VPS13A: variants seen among roughly 807,000 people sequenced by gnomAD.
The protein encoded by VPS13A is intermembrane lipid transfer protein VPS13A.
VPS13A carries 264 observed loss-of-function variants against 390.9 expected under a neutral mutation model. The observed-to-expected ratio is 0.68, with a 90% CI of 0.61 to 0.75. The LOEUF is 0.75. VPS13A is among the 30% of genes least tolerant of loss of function. The probability of loss-of-function intolerance (pLI) is 0.00; values close to 1 mark genes in which losing one functional copy is unlikely to be tolerated. For synonymous variants in VPS13A, 1,231 were observed against 1,227.1 expected (o/e 1.00, Z -0.07); for missense variants, 3,409 against 3,733.9 (o/e 0.91, Z 2.27).
Position 77,275,781 on chromosome 9 carries a change from G to A in VPS13A, c.2667+129G>A, listed in dbSNP as rs1041393270. 1.7e-5 allele frequency: 19 copies of A among 1,147,508 alleles called. No individual in the cohort carries two copies. The African/African-American group carries it at 2.2e-4, about 13-fold the overall frequency. 71.1% of individuals were successfully genotyped at this position (1,147,508 alleles called of 1,614,324 possible). On this transcript the variant is annotated intron_variant, in intron 25 of 71. Coordinates refer to ENST00000360280, the MANE Select transcript of VPS13A (RefSeq NM_033305.3). ...TAATTAAAGTAATTCCAGACTTGCT[G>A]TGTGATTCTTGGTCACTCCCCGCCC...
chr9:77,392,160 A>G (rs1227312075), intron 68 of VPS13A, among the ~76,000 whole-genome samples: 1 of 152,228 alleles, frequency 6.6e-6, no homozygotes, highest in East Asian at 1.9e-4. Context: ...CACCTAAAAT[A>G]TGACCCATCT....
At chr9:77,353,297 AGT>A in intron 53 of VPS13A, 110 bp from the exon 54 acceptor site, 1 of 757,490 alleles carries the variant, frequency 1.3e-6, no homozygotes. Context: ...AACCCCATGA[AGT>A]AGGTGCCATT....
chr9:77,254,192 C>T (rs1025541451), intron 22 of VPS13A, among the ~76,000 whole-genome samples: 5 of 152,132 alleles, frequency 3.3e-5, no homozygotes, highest in Admixed American at 3.3e-4. Flanking sequence ...ATCCGCCCGC[C>T]TCGGCCTCCC....
chr9:77,402,714 A>G (rs1234767053), intron 68 of VPS13A, among the ~76,000 whole-genome samples: 1 of 152,202 alleles, frequency 6.6e-6, no homozygotes, highest in African/African-American at 2.4e-5. Context: ...TTCAAAGGCT[A>G]AGTAAGCCTT....
intron 19 of VPS13A, among the ~76,000 whole-genome samples, chr9:77,240,359 T>G (rs571084434): frequency 6.6e-6 from 1 of 151,996 alleles, no homozygotes; most frequent in East Asian, 1.9e-4. Flanking sequence ...AGTGCTGGGA[T>G]TACAGGTGTG....
intron 68 of VPS13A, among the ~76,000 whole-genome samples, chr9:77,393,562 C>T (rs1049309611): frequency 1.2e-4 from 18 of 152,124 alleles, no homozygotes; most frequent in African/African-American, 4.3e-4. Flanking sequence ...GTTGAAATTA[C>T]TGTTTGATCC....
chr9:77,269,631 C>T (rs1193175044), intron 23 of VPS13A, among the ~76,000 whole-genome samples: 1 of 152,146 alleles, frequency 6.6e-6, no homozygotes, highest in Admixed American at 6.5e-5. Context: ...AGTATTGAGT[C>T]TTTCAGTTCA....
chr9:77,187,432 T>G (rs1042560044), intron 1 of VPS13A, among the ~76,000 whole-genome samples: 9 of 152,198 alleles, frequency 5.9e-5, no homozygotes, highest in Admixed American at 5.9e-4. Flanking sequence ...CTAATGGATA[T>G]GAGGTGGTAT....
At chr9:77,233,301 TC>T (rs1290444678) in intron 17 of VPS13A, among the ~76,000 whole-genome samples, 1 of 152,092 alleles carries the variant, frequency 6.6e-6, no homozygotes, top group East Asian at 1.9e-4. Context: ...GTGTTTTTTT[TC>T]TTATTTTAGG....
intron 31 of VPS13A, among the ~76,000 whole-genome samples, chr9:77,285,351 A>C (rs899908308): frequency 4.6e-5 from 7 of 152,102 alleles, no homozygotes; most frequent in African/African-American, 1.7e-4. Context: ...CATTTGTTTG[A>C]CTCTGTCTTG....
In VPS13A at chr9:77,403,221, A is replaced by G; in HGVS notation, c.9190-15A>G. On this transcript the variant is annotated splice_polypyrimidine_tract_variant and intron_variant, in intron 68 of 71. Transcript: ENST00000360280. ...ACTATCAATTTTCTCATTGTCTCTCACTTTTTTCTTTTAGGTCATGGAAAA... is the reference window on the plus strand; with the variant it reads ...ACTATCAATTTTCTCATTGTCTCTCGCTTTTTTCTTTTAGGTCATGGAAAA... 6.3e-7 allele frequency: 1 copy of G among 1,589,484 alleles called. No homozygotes were observed. Among genetic ancestry groups the G allele is most frequent in the East Asian group, 2.2e-5 (1 of 44,716 alleles).
chr9:77,214,706 T>C (rs563282665), intron 10 of VPS13A, among the ~76,000 whole-genome samples: 1 of 152,302 alleles, frequency 6.6e-6, no homozygotes, highest in South Asian at 2.1e-4. Context: ...GCAAGTAAAA[T>C]TTAATAAGGC....
chr9:77,369,635 G>A (rs1417177089), intron 63 of VPS13A, among the ~76,000 whole-genome samples: 1 of 152,098 alleles, frequency 6.6e-6, no homozygotes, highest in Non-Finnish European at 1.5e-5. Context: ...TGAATTGTAA[G>A]TGTTCTCTTG....
chr9:77,269,801 C>T (rs1278038647), intron 23 of VPS13A, among the ~76,000 whole-genome samples: 2 of 152,148 alleles, frequency 1.3e-5, no homozygotes, highest in Non-Finnish European at 2.9e-5. Context: ...AACCCTAATT[C>T]TGCTATTTCA....
At chr9:77,279,649 T>C (rs1208983021) in intron 26 of VPS13A, among the ~76,000 whole-genome samples, 1 of 152,190 alleles carries the variant, frequency 6.6e-6, no homozygotes, top group Non-Finnish European at 1.5e-5. Context: ...CCCTGTCTGC[T>C]GTCCATATCA....
intron 60 of VPS13A, among the ~76,000 whole-genome samples, chr9:77,366,491 A>G (rs1832437905): frequency 6.6e-6 from 1 of 152,088 alleles, no homozygotes; most frequent in African/African-American, 2.4e-5. Flanking sequence ...GTTTGCCAAA[A>G]GAATGGGATA....
chr9:77,221,268 A>T lies in VPS13A; in HGVS notation c.1073A>T (p.His358Leu), dbSNP rs1449772881. Residue 358 changes from histidine (H) to leucine (L), a missense_variant, in exon 13 of 72, where the codon CAT becomes CTT. His to Leu is a moderately conservative substitution (Grantham distance 99). Around this residue, in one of 5 missense-constraint regions of VPS13A, gnomAD observed 2,717 missense variants for 2,917.4 expected, o/e 0.93. Transcript: ENST00000360280. ...TGGTCATGGAAGCATATTAGAAAAC[A>T]TAGGCAAAAAGTGAAGCAATATAAA... ...WMWSWKHIRK[H>L]RQKVKQYKEL... The T allele has an allele frequency of 6.2e-7, 1 of 1,613,606 alleles. No individual in the cohort carries two copies. The highest frequency in any genetic ancestry group is 1.7e-5 in the Admixed American group (1 of 59,976).
In VPS13A at chr9:77,339,788, G is replaced by T. The variant is rs1223367090; in HGVS notation, c.6651G>T (p.Met2217Ile). ...TVVAFHSPYW[M>I]VNKTGRMLQY... ...TGGCATTTCATAGTCCTTATTGGAT[G>T]GTCAATAAAACTGGCCGCATGTTAC... The change falls in exon 48 of 72, where the codon ATG (methionine) becomes ATT (isoleucine). Residue 2217 changes from methionine to isoleucine, a missense_variant. Met to Ile is a conservative substitution (Grantham distance 10, BLOSUM62 1). Coordinates refer to ENST00000360280, the MANE Select transcript of VPS13A (RefSeq NM_033305.3). The T allele has an allele frequency of 6.2e-7, 1 of 1,613,988 alleles. No homozygotes were observed. The highest frequency in any genetic ancestry group is 1.1e-5 in the South Asian group (1 of 91,074).
chr9:77,192,014 A>T (rs904825179), intron 1 of VPS13A, among the ~76,000 whole-genome samples: 1 of 151,892 alleles, frequency 6.6e-6, no homozygotes, highest in Non-Finnish European at 1.5e-5. Context: ...TTCTTTTTTG[A>T]ATCTAGGTGC....
Sources: allele counts gnomAD v4.1 joint callset (sites outside exome capture counted in the v4.1 genomes callset), GRCh38; gene constraint gnomAD v4.1.1; regional missense constraint gnomAD v4.1.1; transcripts MANE v1.5; gene names NCBI Gene and HGNC (gene_info 2026-07-23, HGNC 2026-07-21).